KIAA2012: variants seen among roughly 807,000 people sequenced by gnomAD.
KIAA2012 encodes the protein uncharacterized protein KIAA2012.
In KIAA2012, 125 loss-of-function variants were observed where a neutral mutation model predicts 150.6. The ratio of observed to expected loss-of-function variants is 0.83; its 90% CI spans 0.72 to 0.96. The LOEUF (loss-of-function observed/expected upper bound fraction) is 0.96. KIAA2012 is among the 40% of genes least tolerant of loss of function. KIAA2012 has a pLI of 0.00. For missense variants in KIAA2012, 1,219 were observed against 1,354.9 expected, an observed-to-expected ratio of 0.90 and a Z score of 1.57; for synonymous variants, 462 against 504.7, an observed-to-expected ratio of 0.92 and a Z score of 1.13.
At chr2:202,153,070 A>G (rs987837491) in intron 13 of KIAA2012, among the ~76,000 whole-genome samples, 1 of 152,204 alleles carries the variant, frequency 6.6e-6, no homozygotes, top group African/African-American at 2.4e-5. Flanking sequence ...GTCAACACAT[A>G]CTTCCTGTAA....
At chr2:202,096,240 C>G (rs142577212) in intron 4 of KIAA2012, among the ~76,000 whole-genome samples, 107 of 152,292 alleles carry the variant, frequency 7.0e-4, no homozygotes, top group Non-Finnish European at 1.2e-3. Flanking sequence ...GGGATCATTC[C>G]AGAATATCCC....
intron 13 of KIAA2012, among the ~76,000 whole-genome samples, chr2:202,150,835 C>T (rs1334418934): frequency 6.6e-6 from 1 of 152,164 alleles, no homozygotes; most frequent in African/African-American, 2.4e-5. Context: ...CTTCAGTTCC[C>T]CCATTTTCCT....
chr2:202,145,570 T>C (rs1301738815), intron 13 of KIAA2012, among the ~76,000 whole-genome samples: 1 of 152,214 alleles, frequency 6.6e-6, no homozygotes, highest in East Asian at 1.9e-4. Flanking sequence ...TTTTCCTTTT[T>C]TCTTTGTATT....
chr2:202,111,059 T>C (rs998287594), intron 10 of KIAA2012, among the ~76,000 whole-genome samples: 2 of 152,184 alleles, frequency 1.3e-5, no homozygotes, highest in African/African-American at 4.8e-5. Context: ...TCTTTTCATT[T>C]TGATACAATT....
At position 202,190,326 on chromosome 2, in the gene KIAA2012, G is replaced by A. The variant is rs866398996; in HGVS notation, c.2644G>A (p.Gly882Ser). The A allele has an allele frequency of 1.9e-6, 3 of 1,550,578 alleles. No homozygotes were observed. Among genetic ancestry groups the A allele is most frequent in the African/African-American group, 2.7e-5 (2 of 73,134 alleles). ...YEETEDTSNR[G>S]SFASDSFVED... Reference sequence around the variant, plus strand: ...GGAAACAGAAGACACCTCAAATAGAGGTTCCTTTGCCTCAGACTCCTTTGT... The same window carrying A: ...GGAAACAGAAGACACCTCAAATAGAAGTTCCTTTGCCTCAGACTCCTTTGT... The change falls in exon 19 of 24, where the codon GGT becomes AGT. Residue 882 changes from glycine (G) to serine (S), a missense_variant. By Grantham distance (56) the Gly-to-Ser change is moderately conservative. Coordinates refer to ENST00000498697, the MANE Select transcript of KIAA2012 (RefSeq NM_001277372.4).
At chr2:202,191,548 C>A (rs1001769875) in intron 19 of KIAA2012, among the ~76,000 whole-genome samples, 8 of 42,340 alleles carry the variant, frequency 1.9e-4, no homozygotes, top group Non-Finnish European at 3.4e-4. Flanking sequence ...CTATCTATCT[C>A]TAACCAAAAA....
Position 202,154,712 on chromosome 2 carries a change from G to A in KIAA2012, c.1948G>A (p.Gly650Arg). The A allele has an allele frequency of 6.5e-7, 1 of 1,549,854 alleles. No individual in the cohort carries two copies. Among genetic ancestry groups the A allele is most frequent in the Non-Finnish European group, 8.7e-7 (1 of 1,146,830 alleles). ...CTTGGAGGCAGCAGCTCAGAAGACA[G>A]GAGAGCCTCAAAGTTGTATAAATAA... ...QSLEAAAQKTGEPQSCINKAL... is the reference protein window; with the variant it reads ...QSLEAAAQKTREPQSCINKAL... Residue 650 changes from glycine to arginine, a missense_variant, in exon 14 of 24, where the codon GGA becomes AGA. Physicochemically the swap from Gly to Arg is moderately radical, Grantham distance 125. Coordinates refer to ENST00000498697, the MANE Select transcript of KIAA2012 (RefSeq NM_001277372.4).
At chr2:202,105,936 C>T (rs189550380) in intron 9 of KIAA2012, 26 bp downstream of exon 9, 2 of 1,550,830 alleles carry the variant, frequency 1.3e-6, no homozygotes, top group East Asian at 2.4e-5. Context: ...CTCCAGCATC[C>T]CTCGGGAACC....
rs543063534 is a variant in KIAA2012, at chr2:202,141,307, C to T, written c.1908+2799C>T. ...GACCCAAGGAGCGGGGCCTAGGCAG[C>T]GAATCCATCAAAAGAAACGAGAGTA... On this transcript the variant is annotated intron_variant, in intron 13 of 23. Coordinates refer to ENST00000498697, the MANE Select transcript of KIAA2012 (RefSeq NM_001277372.4). Among the ~76,000 whole-genome samples, 14 of 151,710 alleles carry T rather than the reference C, an allele frequency of 9.2e-5. No homozygotes were observed. The South Asian group carries it at 1.9e-3, about 20-fold the overall frequency.
Position 202,099,719 on chromosome 2 carries a change from A to G in KIAA2012, c.935A>G (p.His312Arg), listed in dbSNP as rs1424942887. The change falls in exon 6 of 24, where the codon CAC (histidine) becomes CGC (arginine). Residue 312 changes from histidine to arginine, a missense_variant. Coordinates refer to ENST00000498697, the MANE Select transcript of KIAA2012 (RefSeq NM_001277372.4). ...RKAFGHGRID[H>R]SWLPSDKSHI... ...GCCTTTGGGCATGGCCGCATCGATC[A>G]CTCTTGGCTCCCAAGTGACAAATCC... 1.9e-6 allele frequency: 3 copies of G among 1,550,466 alleles called. No homozygotes were observed. Among genetic ancestry groups the G allele is most frequent in the Admixed American group, 2.0e-5 (1 of 50,998 alleles).
At chr2:202,127,774 C>T (rs1233519124) in intron 12 of KIAA2012, among the ~76,000 whole-genome samples, 3 of 152,162 alleles carry the variant, frequency 2.0e-5, no homozygotes, top group African/African-American at 7.2e-5. Flanking sequence ...GCCTGGAGCA[C>T]AGTTCCTCAT....
Position 202,165,304 on chromosome 2 carries a change from C to T in KIAA2012, c.2067C>T (p.Asp689=), listed in dbSNP as rs1691733728. 1.9e-6 allele frequency: 3 copies of T among 1,550,272 alleles called. No individual in the cohort carries two copies. Among genetic ancestry groups the T allele is most frequent in the Non-Finnish European group, 2.6e-6 (3 of 1,146,826 alleles). ...PFLKESGNAL[D]YQEEAGRPLR... Reference sequence around the variant, plus strand: ...AATAGGAAAGTGGAAATGCACTGGACTATCAGGAAGAAGCAGGGAGACCCC... The same window carrying T: ...AATAGGAAAGTGGAAATGCACTGGATTATCAGGAAGAAGCAGGGAGACCCC... The change falls in exon 15 of 24, where the codon GAC becomes GAT. Residue 689 remains aspartate (D), a synonymous_variant. Transcript: ENST00000498697.
intron 5 of KIAA2012, among the ~76,000 whole-genome samples, chr2:202,098,841 A>G (rs943430897): frequency 2.0e-5 from 3 of 149,832 alleles, no homozygotes; most frequent in Non-Finnish European, 4.4e-5. Flanking sequence ...CGCGCGCAGG[A>G]TAACAATTGT....
At chr2:202,109,194 T>G (rs1435033684) in intron 9 of KIAA2012, among the ~76,000 whole-genome samples, 1 of 152,214 alleles carries the variant, frequency 6.6e-6, no homozygotes, top group Non-Finnish European at 1.5e-5. Flanking sequence ...GGGATCTCCC[T>G]AGTCAGAGCC....
intron 22 of KIAA2012, among the ~76,000 whole-genome samples, chr2:202,199,755 T>C (rs1168406268): frequency 6.6e-6 from 1 of 152,120 alleles, no homozygotes; most frequent in Non-Finnish European, 1.5e-5. Flanking sequence ...ATTCACAATA[T>C]GACCCTATTA....
chr2:202,073,847 T>C, intron 1 of KIAA2012, 136 bp downstream of exon 1: 1 of 675,808 alleles, frequency 1.5e-6, no homozygotes, highest in Non-Finnish European at 2.5e-6. Flanking sequence ...AGATCTTCCT[T>C]CCTCCTTCAT....
At chr2:202,080,750 A>G (rs1689434432) in intron 2 of KIAA2012, among the ~76,000 whole-genome samples, 1 of 151,962 alleles carries the variant, frequency 6.6e-6, no homozygotes, top group African/African-American at 2.4e-5. Context: ...TTAGTATTAT[A>G]CCAGTACCAT....
intron 3 of KIAA2012, 107 bp downstream of exon 3, chr2:202,091,036 A>T (rs1476037290): frequency 7.2e-7 from 1 of 1,396,656 alleles, no homozygotes; most frequent in Non-Finnish European, 9.5e-7. Context: ...TTTCAAGCCC[A>T]ATTCTGTGTT....
intron 10 of KIAA2012, among the ~76,000 whole-genome samples, chr2:202,112,700 AAACCCCGC>A (rs1223137896): frequency 1.3e-5 from 2 of 152,024 alleles, no homozygotes; most frequent in Admixed American, 1.3e-4. Flanking sequence ...GGCATGGGGG[AAACCCCGC>A]AATCTAGTCC....
Sources: gnomAD v4.1 joint callset for allele counts (sites outside exome capture counted in the v4.1 genomes callset) on GRCh38, gnomAD v4.1.1 for gene constraint, MANE v1.5 for transcripts, NCBI Gene and HGNC (gene_info 2026-07-23, HGNC 2026-07-21) for gene names.